Variants in PPEF1 observed in about 807,000 individuals in gnomAD.
PPEF1 encodes serine/threonine-protein phosphatase with EF-hands 1.
Under a neutral mutation model 53.3 loss-of-function variants are expected in PPEF1, and 12 were observed. That is an observed-to-expected ratio of 0.23 (90% CI 0.14 to 0.36). PPEF1 has a LOEUF of 0.36. PPEF1 is among the 10% of genes least tolerant of loss of function. The pLI is 1.00. For missense variants in PPEF1, 334 were observed against 490.4 expected (o/e 0.68, Z 3.01); for synonymous variants, 165 against 176.7 (o/e 0.93, Z 0.52).
chrX:18,694,846 A>G (rs1475538008), intron 4 of PPEF1, among the ~76,000 whole-genome samples: 1 of 111,946 alleles, frequency 8.9e-6, no homozygotes, highest in Admixed American at 9.5e-5. Context: ...GAGGGAACAA[A>G]AGGTAAACTC....
At chrX:18,698,071 G>A (rs1273362299) in intron 5 of PPEF1, 3 of 111,921 alleles carry the variant, frequency 2.7e-5, no homozygotes, top group Non-Finnish European at 3.8e-5. Context: ...AAGAGGGATC[G>A]TAATAGTATA....
At chrX:18,735,670 C>T (rs1401989037) in intron 3 of PPEF1, among the ~76,000 whole-genome samples, 4 of 111,898 alleles carry the variant, frequency 3.6e-5, no homozygotes, top group Non-Finnish European at 5.6e-5. Context: ...TGAAGAAAGT[C>T]ATTGGTAGCT....
intron 12 of PPEF1, among the ~76,000 whole-genome samples, chrX:18,812,281 G>A (rs1004420906): frequency 2.7e-5 from 3 of 111,770 alleles, no homozygotes; most frequent in Non-Finnish European, 5.6e-5. Flanking sequence ...AAAATCAGTT[G>A]ACCATAATAT....
At chrX:18,782,308 G>A in intron 7 of PPEF1, 58 bp from the exon 8 acceptor site, 1 of 972,839 alleles carries the variant, frequency 1.0e-6, no homozygotes, top group Non-Finnish European at 1.4e-6. Context: ...CTTTTTGCAT[G>A]ACTCATGGAA....
Position 18,825,848 on chromosome X carries a change from A to C in PPEF1, c.1750+13A>C, listed in dbSNP as rs749978860. On this transcript the variant is annotated intron_variant, in intron 15 of 15. Transcript: ENST00000470157. Reference sequence around the variant, plus strand: ...ACTGATCACTCAGGTAAATAAATGAACTTGGATGAGTCCATTTAAAAAGTG... The same window carrying C: ...ACTGATCACTCAGGTAAATAAATGACCTTGGATGAGTCCATTTAAAAAGTG... 11 of 1,135,818 alleles carry C rather than the reference A, an allele frequency of 9.7e-6. No homozygotes were observed. The African/African-American group carries it at 1.4e-4, about 15-fold the overall frequency. 93.6% of individuals were successfully genotyped at this position (1,135,818 alleles called of 1,213,427 possible).
chrX:18,678,860 A>C (rs967507234), upstream of PPEF1, among the ~76,000 whole-genome samples: 4 of 109,753 alleles, frequency 3.6e-5, no homozygotes, highest in Admixed American at 9.8e-5. Flanking sequence ...GGACTTCTCT[A>C]TTTGTTCTCA....
intron 4 of PPEF1, among the ~76,000 whole-genome samples, chrX:18,696,973 A>G (rs1368617282): frequency 2.7e-5 from 3 of 112,501 alleles, no homozygotes; most frequent in Non-Finnish European, 5.6e-5. Context: ...GTCATGATCA[A>G]TAATGGGAGC....
chrX:18,799,737 T>G (rs923959810), intron 10 of PPEF1, among the ~76,000 whole-genome samples: 1 of 111,649 alleles, frequency 9.0e-6, no homozygotes, highest in African/African-American at 3.3e-5. Context: ...CCATTTTTTT[T>G]GTTTGAAATT....
At chrX:18,738,557 A>AT (rs1306550681) in intron 3 of PPEF1, among the ~76,000 whole-genome samples, 2 of 106,540 alleles carry the variant, frequency 1.9e-5, no homozygotes, top group East Asian at 5.9e-4. Flanking sequence ...TGCCCTTAAC[A>AT]TTTTTTCCTT....
chrX:18,798,050 G>T (rs544318484), intron 10 of PPEF1, among the ~76,000 whole-genome samples: 2 of 110,250 alleles, frequency 1.8e-5, no homozygotes, highest in African/African-American at 6.7e-5. Flanking sequence ...AGGAGAACAG[G>T]AAAACTGGAC....
rs186728514 is a variant in PPEF1, at chrX:18,728,285, A to T, written c.47-1896A>T. ...ACTGGGTAATTTATAAAGAAAAAGA[A>T]GTTTAATGGACTTATGGTTCCACAT... On this transcript the variant is annotated intron_variant, in intron 1 of 15. Transcript: ENST00000470157. 4.8e-4 allele frequency among the ~76,000 whole-genome samples: 53 copies of T among 111,378 alleles called. No homozygotes were observed. In the East Asian group the frequency reaches 6.7e-3, roughly 14 times the overall value.
At chrX:18,741,550 A>AT (rs1333068906) in intron 3 of PPEF1, among the ~76,000 whole-genome samples, 11 of 111,017 alleles carry the variant, frequency 9.9e-5, no homozygotes, top group Admixed American at 2.9e-4. Context: ...GACTCAGTAC[A>AT]TTTTCTCAAA....
At chrX:18,763,188 G>A (rs1279105529) in intron 6 of PPEF1, among the ~76,000 whole-genome samples, 1 of 111,174 alleles carries the variant, frequency 9.0e-6, no homozygotes, top group Non-Finnish European at 1.9e-5. Flanking sequence ...AATCTAAATC[G>A]GTCCAGGTGC....
chrX:18,745,009 T>C (rs1233992864), intron 3 of PPEF1, among the ~76,000 whole-genome samples: 2 of 100,895 alleles, frequency 2.0e-5, no homozygotes, highest in Non-Finnish European at 3.9e-5. Flanking sequence ...CTATATTTTA[T>C]ACATATAAAA....
chrX:18,751,546 G>A (rs963392813), intron 4 of PPEF1, among the ~76,000 whole-genome samples: 1 of 111,415 alleles, frequency 9.0e-6, no homozygotes, highest in Non-Finnish European at 1.9e-5. Context: ...TTGGGAGGCC[G>A]AGGCGGGTGC....
At chrX:18,809,721 C>T (rs963091283) in intron 12 of PPEF1, among the ~76,000 whole-genome samples, 27 of 108,364 alleles carry the variant, frequency 2.5e-4, no homozygotes, top group African/African-American at 6.1e-4. Flanking sequence ...AAAAAAAATC[C>T]ACTGAAGGGA....
At chrX:18,794,313 C>T (rs1170217731) in intron 10 of PPEF1, among the ~76,000 whole-genome samples, 1 of 2,756 alleles carries the variant, frequency 3.6e-4, no homozygotes, top group Non-Finnish European at 4.4e-4. Context: ...ATGCTTATTC[C>T]CAACAATCTC....
At chrX:18,782,798 G>A (rs1273436533) in intron 8 of PPEF1, among the ~76,000 whole-genome samples, 1 of 110,799 alleles carries the variant, frequency 9.0e-6, no homozygotes, top group African/African-American at 3.3e-5. Context: ...GACCGCGTGG[G>A]GAAGCACCAG....
intron 7 of PPEF1, 59 bp downstream of exon 7, chrX:18,779,235 A>G (rs2046032829): frequency 9.7e-7 from 1 of 1,033,255 alleles, no homozygotes; most frequent in Non-Finnish European, 1.3e-6. Context: ...AAATGCTGCC[A>G]TATTTAATTC....
Sources: allele counts gnomAD v4.1 joint callset (sites outside exome capture counted in the v4.1 genomes callset), GRCh38; gene constraint gnomAD v4.1.1; transcripts MANE v1.5; gene names NCBI Gene and HGNC (gene_info 2026-07-23, HGNC 2026-07-21).